Variants in TMF1 observed in about 807,000 individuals in gnomAD.
The protein encoded by TMF1 is TATA element modulatory factor 1, also known as TATA element modulatory factor.
TMF1 carries 71 observed loss-of-function variants against 126.5 expected under a neutral mutation model. The ratio of observed to expected loss-of-function variants is 0.56; its 90% CI spans 0.46 to 0.68. TMF1 has a LOEUF of 0.68. Among genes scored for constraint, TMF1 ranks in the 30% least tolerant of loss-of-function variants. The probability of loss-of-function intolerance (pLI) is 0.00; values close to 1 mark genes in which losing one functional copy is unlikely to be tolerated. For missense variants in TMF1, 1,259 were observed against 1,253.2 expected, an observed-to-expected ratio of 1.00 and a Z score of -0.07; for synonymous variants, 461 against 430.5, an observed-to-expected ratio of 1.07 and a Z score of -0.88.
rs775118045 is a variant in TMF1, at chr3:69,048,519, C to G, written c.186G>C (p.Trp62Cys). The change falls in exon 2 of 17, where the codon TGG (tryptophan) becomes TGC (cysteine). Residue 62 changes from tryptophan (W) to cysteine (C), a missense_variant. Trp to Cys is a radical substitution (Grantham distance 215, BLOSUM62 -2). Coordinates refer to ENST00000398559, the MANE Select transcript of TMF1 (RefSeq NM_007114.3). ...GAGGTTCAGTGTTTGATTTCAACCCCCAGGTTGAAGTATCCCATCCTCCAC... is the reference window on the plus strand; with the variant it reads ...GAGGTTCAGTGTTTGATTTCAACCCGCAGGTTGAAGTATCCCATCCTCCAC... ...PVSGGWDTSTWGLKSNTEPQS... is the reference protein window; with the variant it reads ...PVSGGWDTSTCGLKSNTEPQS... 6.2e-7 allele frequency: 1 copy of G among 1,613,258 alleles called. No individual in the cohort carries two copies. The highest frequency in any genetic ancestry group is 2.2e-5 in the East Asian group (1 of 44,858).
intron 16 of TMF1, 79 bp downstream of exon 16, chr3:69,023,976 T>A: frequency 7.5e-7 from 1 of 1,330,032 alleles, no homozygotes; most frequent in Non-Finnish European, 1.0e-6. Flanking sequence ...CACTAACACA[T>A]ACTATAAATT....
rs1343724886 is a variant in TMF1 at position 69,027,958 on chromosome 3, A to T, written c.2699T>A (p.Met900Lys). ...LLNSQLEMER[M>K]KVEQERKKAI... ...TTTCTTCCTTTCTTGTTCAACTTTC[A>T]TTCTTTCCATTTCTAACTGACTATT... Residue 900 changes from methionine (M) to lysine (K), a missense_variant, in exon 13 of 17, where the codon ATG becomes AAG. Met to Lys is a moderately conservative substitution (Grantham distance 95). Transcript: ENST00000398559. 2 of 1,582,826 alleles carry T rather than the reference A, an allele frequency of 1.3e-6. No homozygotes were observed. The highest frequency in any genetic ancestry group is 4.5e-5 in the East Asian group (2 of 44,638).
At chr3:69,037,450 G>A (rs1229307028) in intron 8 of TMF1, among the ~76,000 whole-genome samples, 2 of 151,944 alleles carry the variant, frequency 1.3e-5, no homozygotes, top group Non-Finnish European at 2.9e-5. Context: ...CACCAGCCTG[G>A]CCAACATGGT....
rs2107451949 is a variant in TMF1, at chr3:69,023,149, A to G, written c.*28T>C. ...GTTTAGATATTAAATGCTTACATTC[A>G]GTTTGATGGGAATTCAATTTTCACA... On this transcript the variant is annotated 3_prime_UTR_variant, in exon 17 of 17. Coordinates refer to ENST00000398559, the MANE Select transcript of TMF1 (RefSeq NM_007114.3). 6.3e-7 allele frequency: 1 copy of G among 1,588,048 alleles called. No individual in the cohort carries two copies.
At chr3:69,031,417 TACACACACAC>T (rs34091520) in intron 10 of TMF1, among the ~76,000 whole-genome samples, 1 of 150,618 alleles carries the variant, frequency 6.6e-6, no homozygotes, top group African/African-American at 2.4e-5. Flanking sequence ...TAGAACTTAA[TACACACACAC>T]ACACACACAT....
intron 9 of TMF1, among the ~76,000 whole-genome samples, chr3:69,034,465 T>A (rs1424425219): frequency 6.6e-6 from 1 of 152,070 alleles, no homozygotes; most frequent in Non-Finnish European, 1.5e-5. Context: ...AGAGCAAGAC[T>A]CTGTCTCAAA....
At chr3:69,039,760 T>A in intron 5 of TMF1, 67 bp from the exon 6 acceptor site, 1 of 1,496,076 alleles carries the variant, frequency 6.7e-7, no homozygotes, top group Non-Finnish European at 8.9e-7. Flanking sequence ...TAGAATGTTT[T>A]ATCTAATAGT....
At chr3:69,028,136 A>G in intron 12 of TMF1, 90 bp downstream of exon 12, 1 of 1,241,602 alleles carries the variant, frequency 8.1e-7, no homozygotes, top group South Asian at 1.3e-5. Flanking sequence ...GGCATCACCC[A>G]TTTCATCTTG....
intron 10 of TMF1, among the ~76,000 whole-genome samples, chr3:69,033,013 C>A (rs113928467): frequency 0.012 from 1,797 of 152,094 alleles, 23 homozygotes; most frequent in Non-Finnish European, 0.016. Flanking sequence ...TGATGAGAAT[C>A]ATATATGATC....
intron 5 of TMF1, chr3:69,042,481 C>T: frequency 2.0e-6 from 1 of 489,020 alleles, no homozygotes; most frequent in Non-Finnish European, 4.0e-6. Flanking sequence ...ACATAAATCC[C>T]AGAGTTACAC....
intron 9 of TMF1, 156 bp downstream of exon 9, chr3:69,034,867 A>C (rs2091823829): frequency 1.5e-6 from 1 of 665,406 alleles, no homozygotes; most frequent in African/African-American, 1.8e-5. Flanking sequence ...TAAGGTGCCC[A>C]CTCTGATTTA....
Position 69,038,655 on chromosome 3 carries a change from C to T in TMF1, c.2060G>A (p.Ser687Asn). 2 of 1,614,202 alleles carry T rather than the reference C, an allele frequency of 1.2e-6. No homozygotes were observed. The highest frequency in any genetic ancestry group is 8.5e-7 in the Non-Finnish European group (1 of 1,180,032). The change falls in exon 8 of 17, where the codon AGC (serine) becomes AAC (asparagine). Residue 687 changes from serine (S) to asparagine (N), a missense_variant. By Grantham distance (46) the Ser-to-Asn change is conservative. Coordinates refer to ENST00000398559, the MANE Select transcript of TMF1 (RefSeq NM_007114.3). ...KDSEAQEAAL[S>N]REMKAKEELS... Reference sequence around the variant, plus strand: ...TTCTTCTTTAGCTTTCATTTCACGGCTCAGAGCAGCTTCCTGTGCCTCACT... The same window carrying T: ...TTCTTCTTTAGCTTTCATTTCACGGTTCAGAGCAGCTTCCTGTGCCTCACT...
At chr3:69,050,435 C>T (rs2091920906) in intron 1 of TMF1, among the ~76,000 whole-genome samples, 2 of 151,908 alleles carry the variant, frequency 1.3e-5, no homozygotes, top group Non-Finnish European at 1.5e-5. Context: ...AATGAACAAC[C>T]AAGATTATGT....
chr3:69,027,585 AG>A (rs1303474802), intron 13 of TMF1, among the ~76,000 whole-genome samples: 1 of 152,112 alleles, frequency 6.6e-6, no homozygotes, highest in Non-Finnish European at 1.5e-5. Flanking sequence ...CTTATAAAGC[AG>A]GGATGTCCAA....
At position 69,048,140 on chromosome 3, in the gene TMF1, C is replaced by A; in HGVS notation, c.565G>T (p.Val189Leu). Residue 189 changes from valine (V) to leucine (L), a missense_variant, in exon 2 of 17, where the codon GTG (valine) becomes TTG (leucine). Transcript: ENST00000398559. ...GATACTTTCAAACTTACAGTTGGCA[C>A]CTTCATATCCGATTCTTTATTAACA... ...ETVNKESDMKVPTVSLKVSES... is the reference protein window; with the variant it reads ...ETVNKESDMKLPTVSLKVSES... The A allele has an allele frequency of 6.2e-7, 1 of 1,614,180 alleles. No individual in the cohort carries two copies. Among genetic ancestry groups the A allele is most frequent in the Non-Finnish European group, 8.5e-7 (1 of 1,180,032 alleles).
At chr3:69,037,012 G>A (rs905422186) in intron 8 of TMF1, among the ~76,000 whole-genome samples, 22 of 151,392 alleles carry the variant, frequency 1.5e-4, no homozygotes, top group Admixed American at 1.3e-3. Flanking sequence ...ACAAAATATT[G>A]ACAAATCCTA....
chr3:69,033,515 T>C, intron 10 of TMF1, 33 bp downstream of exon 10: 1 of 1,593,372 alleles, frequency 6.3e-7, no homozygotes, highest in Non-Finnish European at 8.5e-7. Flanking sequence ...ATGGAAGAGC[T>C]TCTGCATCGA....
At chr3:69,044,333 A>G (rs572588556) in intron 3 of TMF1, among the ~76,000 whole-genome samples, 159 bp downstream of exon 3, 1 of 152,354 alleles carries the variant, frequency 6.6e-6, no homozygotes, top group South Asian at 2.1e-4. Flanking sequence ...GACAATCAAA[A>G]GAGAAAAGTA....
At position 69,047,860 on chromosome 3, in the gene TMF1, G is replaced by A. The variant is rs1342864430; in HGVS notation, c.845C>T (p.Ser282Leu). Residue 282 changes from serine (S) to leucine (L), a missense_variant, in exon 2 of 17, where the codon TCA (serine) becomes TTA (leucine). Coordinates refer to ENST00000398559, the MANE Select transcript of TMF1 (RefSeq NM_007114.3). Reference sequence around the variant, plus strand: ...CTGCATCAAGTGAAGACTTGATTTTGAATCTGTAGTCTCTTGTCTCGAGCT... The same window carrying A: ...CTGCATCAAGTGAAGACTTGATTTTAAATCTGTAGTCTCTTGTCTCGAGCT... ...SASSRQETTD[S>L]KSSLHLMQTS... 2 of 1,613,954 alleles carry A rather than the reference G, an allele frequency of 1.2e-6. No homozygotes were observed.
Sources: gnomAD v4.1 joint callset for allele counts (sites outside exome capture counted in the v4.1 genomes callset) on GRCh38, gnomAD v4.1.1 for gene constraint, MANE v1.5 for transcripts, NCBI Gene and HGNC (gene_info 2026-07-23, HGNC 2026-07-21) for gene names.